CRTC1: variants seen among roughly 807,000 people sequenced by gnomAD.
CRTC1 encodes CREB regulated transcription coactivator 1.
In CRTC1, 18 loss-of-function variants were observed where a neutral mutation model predicts 66.1. The ratio of observed to expected loss-of-function variants is 0.27; its 90% CI spans 0.19 to 0.40. The LOEUF (loss-of-function observed/expected upper bound fraction) is 0.40, where lower values mean the gene tolerates loss of function less well. Among genes scored for constraint, CRTC1 ranks in the 10% least tolerant of loss-of-function variants. The probability of loss-of-function intolerance (pLI) is 1.00; values close to 1 mark genes in which losing one functional copy is unlikely to be tolerated. For synonymous variants in CRTC1, 416 were observed against 398.8 expected, an observed-to-expected ratio of 1.04 and a Z score of -0.51; for missense variants, 669 against 887.9, an observed-to-expected ratio of 0.75 and a Z score of 3.13.
At chr19:18,753,408 C>T (rs2054414029) in intron 5 of CRTC1, 92 bp from the exon 6 acceptor site, 1 of 890,276 alleles carries the variant, frequency 1.1e-6, no homozygotes, top group South Asian at 1.5e-5. Context: ...GGCCATGACT[C>T]CGTGTGTCAG....
At chr19:18,698,091 C>G (rs1268321308) in intron 1 of CRTC1, among the ~76,000 whole-genome samples, 1 of 151,904 alleles carries the variant, frequency 6.6e-6, no homozygotes. Context: ...TCGGCAGGCA[C>G]ACGGTAGGTG....
intron 1 of CRTC1, among the ~76,000 whole-genome samples, chr19:18,691,025 CAAA>C (rs751088340): frequency 5.2e-5 from 3 of 58,122 alleles, no homozygotes; most frequent in Admixed American, 1.9e-4. Context: ...GACTCCGTCT[CAAA>C]AAAAAAAAAA....
intron 1 of CRTC1, among the ~76,000 whole-genome samples, chr19:18,720,527 T>TG (rs1023759861): frequency 5.4e-5 from 4 of 73,920 alleles, no homozygotes; most frequent in Non-Finnish European, 7.3e-5. Flanking sequence ...TTTTTAGTGT[T>TG]TTTTTTTTTT....
chr19:18,689,583 A>ATATATATATATATG (rs60084986), intron 1 of CRTC1, among the ~76,000 whole-genome samples: 14 of 65,732 alleles, frequency 2.1e-4, no homozygotes, highest in South Asian at 6.3e-4. Flanking sequence ...ATATATATAT[A>ATATATATATATATG]TATGTAATAT....
intron 1 of CRTC1, among the ~76,000 whole-genome samples, chr19:18,737,995 T>C (rs1228985964): frequency 6.6e-6 from 1 of 152,144 alleles, no homozygotes; most frequent in Non-Finnish European, 1.5e-5. Flanking sequence ...CAGTCAACAG[T>C]AGGCTATTAG....
At chr19:18,712,447 A>G (rs2053413417) in intron 1 of CRTC1, among the ~76,000 whole-genome samples, 1 of 150,984 alleles carries the variant, frequency 6.6e-6, no homozygotes, top group African/African-American at 2.4e-5. Context: ...TTTAGTAGAG[A>G]TAGGGTTTCA....
At position 18,779,377 on chromosome 19, in the gene CRTC1, G is replaced by GC; in HGVS notation, c.*1996dup. ...TCCTGCTGCCGTCTTGTTCCAAGGT[G>GC]CGGGGGGGACACTGTTGGTCTGTCC... On this transcript the variant is annotated 3_prime_UTR_variant, in exon 14 of 14. Transcript: ENST00000321949. The GC allele has an allele frequency of 4.4e-6, 1 of 227,024 alleles. No individual in the cohort carries two copies. Among genetic ancestry groups the GC allele is most frequent in the Admixed American group, 5.7e-5 (1 of 17,562 alleles). 14.1% of individuals were successfully genotyped at this position (227,024 alleles called of 1,614,324 possible).
At chr19:18,731,544 G>A (rs926801767) in intron 1 of CRTC1, among the ~76,000 whole-genome samples, 12 of 152,162 alleles carry the variant, frequency 7.9e-5, no homozygotes, top group African/African-American at 2.9e-4. Flanking sequence ...GTCACGTTCC[G>A]AGGTTTTGGT....
At chr19:18,759,121 T>C (rs12052183) in intron 6 of CRTC1, among the ~76,000 whole-genome samples, 78,146 of 152,064 alleles carry the variant, frequency 0.51, 21,805 homozygotes, top group East Asian at 0.9. Context: ...GGGAAGATCA[T>C]GAGCTCAGGA....
At chr19:18,753,634 A>C in intron 6 of CRTC1, 49 bp downstream of exon 6, 1 of 1,417,306 alleles carries the variant, frequency 7.1e-7, no homozygotes, top group Non-Finnish European at 9.9e-7. Context: ...TTCTCTTCTC[A>C]AGCATCACCT....
chr19:18,749,324 C>G (rs765002427), intron 4 of CRTC1, among the ~76,000 whole-genome samples: 1 of 152,168 alleles, frequency 6.6e-6, no homozygotes, highest in Non-Finnish European at 1.5e-5. Flanking sequence ...GGCACAGTCA[C>G]CTGATTGTGT....
intron 1 of CRTC1, among the ~76,000 whole-genome samples, chr19:18,708,932 C>T (rs2053327194): frequency 6.6e-6 from 1 of 152,226 alleles, no homozygotes; most frequent in Non-Finnish European, 1.5e-5. Context: ...GTGACTCCTC[C>T]CTGCCGCTCC....
intron 6 of CRTC1, among the ~76,000 whole-genome samples, chr19:18,758,354 C>CGT (rs1270797695): frequency 6.7e-6 from 1 of 148,340 alleles, no homozygotes; most frequent in Non-Finnish European, 1.5e-5. Context: ...AGTGAGACTC[C>CGT]GTCTCTAAAA....
At chr19:18,726,378 C>T (rs1248155266) in intron 1 of CRTC1, among the ~76,000 whole-genome samples, 1 of 152,224 alleles carries the variant, frequency 6.6e-6, no homozygotes, top group Non-Finnish European at 1.5e-5. Flanking sequence ...CCAGAGGAGC[C>T]CTCAGGCGGC....
chr19:18,695,511 C>T (rs779494522), intron 1 of CRTC1, among the ~76,000 whole-genome samples: 28 of 152,100 alleles, frequency 1.8e-4, no homozygotes, highest in Non-Finnish European at 3.1e-4. Context: ...GTGGTTGTCA[C>T]GACGGGGAAT....
intron 1 of CRTC1, among the ~76,000 whole-genome samples, chr19:18,714,371 G>A (rs2053459720): frequency 6.6e-6 from 1 of 151,938 alleles, no homozygotes; most frequent in Non-Finnish European, 1.5e-5. Context: ...ACGGTGGTGT[G>A]ATCTTGGCTC....
chr19:18,705,673 A>G (rs1022241714), intron 1 of CRTC1, among the ~76,000 whole-genome samples: 2 of 152,154 alleles, frequency 1.3e-5, no homozygotes, highest in South Asian at 4.1e-4. Flanking sequence ...TGGCTATACC[A>G]TTTTATGTTC....
At chr19:18,752,158 A>AT (rs1036634188) in intron 5 of CRTC1, among the ~76,000 whole-genome samples, 16 of 151,726 alleles carry the variant, frequency 1.1e-4, no homozygotes, top group African/African-American at 3.9e-4. Flanking sequence ...AAAAAAAAAA[A>AT]AAAAAAGAAA....
intron 1 of CRTC1, among the ~76,000 whole-genome samples, chr19:18,698,897 C>G (rs1373193518): frequency 6.6e-6 from 1 of 151,988 alleles, no homozygotes; most frequent in Non-Finnish European, 1.5e-5. Flanking sequence ...AGTGTGTGCT[C>G]TGCGGGCACT....
Sources: gnomAD v4.1 joint callset for allele counts (sites outside exome capture counted in the v4.1 genomes callset) on GRCh38, gnomAD v4.1.1 for gene constraint, MANE v1.5 for transcripts, NCBI Gene and HGNC (gene_info 2026-07-23, HGNC 2026-07-21) for gene names.